Variants in MYO1B observed in about 807,000 individuals in gnomAD.
MYO1B encodes unconventional myosin-Ib.
MYO1B carries 72 observed loss-of-function variants against 159.7 expected under a neutral mutation model. The observed-to-expected ratio is 0.45, with a 90% CI of 0.37 to 0.55. The LOEUF is 0.55. MYO1B is among the 20% of genes least tolerant of loss of function. The pLI is 0.00. For synonymous variants in MYO1B, 468 were observed against 473.8 expected (o/e 0.99, Z 0.16); for missense variants, 1,062 against 1,364.8 (o/e 0.78, Z 3.50).
intron 3 of MYO1B, among the ~76,000 whole-genome samples, chr2:191,318,652 T>A (rs1456042779): frequency 6.6e-6 from 1 of 152,182 alleles, no homozygotes; most frequent in Non-Finnish European, 1.5e-5. Context: ...TGCTTGCAGA[T>A]CCAAGTGTTT....
intron 17 of MYO1B, among the ~76,000 whole-genome samples, chr2:191,388,530 T>C (rs1695539921): frequency 6.6e-6 from 1 of 152,178 alleles, no homozygotes; most frequent in Non-Finnish European, 1.5e-5. Context: ...GTGAAGAATA[T>C]TTTTGTGTTT....
At chr2:191,286,374 G>A (rs900727388) in intron 2 of MYO1B, among the ~76,000 whole-genome samples, 1 of 151,492 alleles carries the variant, frequency 6.6e-6, no homozygotes, top group African/African-American at 2.4e-5. Flanking sequence ...CCCTCTGCAA[G>A]GAAATTTGGG....
At chr2:191,322,969 T>A (rs1305261206) in intron 3 of MYO1B, among the ~76,000 whole-genome samples, 1 of 152,162 alleles carries the variant, frequency 6.6e-6, no homozygotes, top group Admixed American at 6.5e-5. Flanking sequence ...TATTTCTTGA[T>A]CATGTGCTAA....
chr2:191,424,107 T>G lies in MYO1B; in HGVS notation c.*147T>G. ...AATAAAAATATTTGACTAATCAATT[T>G]TTATTATTGGAATAGTTTTAACCTT... On this transcript the variant is annotated 3_prime_UTR_variant, in exon 31 of 31. Coordinates refer to ENST00000392318, the MANE Select transcript of MYO1B (RefSeq NM_001130158.3). 1 of 924,868 alleles carries G rather than the reference T, an allele frequency of 1.1e-6. No individual in the cohort carries two copies. Among genetic ancestry groups the G allele is most frequent in the South Asian group, 1.8e-5 (1 of 56,022 alleles). The allele number at this position is 924,868 out of a possible 1,614,324, so 57.3% of individuals were successfully genotyped here.
intron 13 of MYO1B, among the ~76,000 whole-genome samples, chr2:191,372,544 C>G (rs1483939402): frequency 6.6e-6 from 1 of 152,074 alleles, no homozygotes; most frequent in Non-Finnish European, 1.5e-5. Flanking sequence ...GAGTCTTAGC[C>G]CTAAGATTGA....
chr2:191,309,045 G>T (rs1329634255), intron 3 of MYO1B, among the ~76,000 whole-genome samples: 1 of 152,128 alleles, frequency 6.6e-6, no homozygotes, highest in Non-Finnish European at 1.5e-5. Flanking sequence ...CCCTCTGTGT[G>T]CTGATGATGC....
chr2:191,249,076 A>G (rs1368183115), intron 1 of MYO1B, among the ~76,000 whole-genome samples: 2 of 152,250 alleles, frequency 1.3e-5, no homozygotes, highest in East Asian at 1.9e-4. Context: ...GAAACATTTA[A>G]AAGTGGTAGA....
At chr2:191,357,841 C>A (rs1478235484) in intron 7 of MYO1B, among the ~76,000 whole-genome samples, 1 of 152,156 alleles carries the variant, frequency 6.6e-6, no homozygotes, top group Non-Finnish European at 1.5e-5. Flanking sequence ...GGAAGAAAAC[C>A]AATAAGGAAT....
intron 30 of MYO1B, among the ~76,000 whole-genome samples, chr2:191,422,125 C>G (rs1054974450): frequency 6.6e-6 from 1 of 152,188 alleles, no homozygotes; most frequent in Non-Finnish European, 1.5e-5. Flanking sequence ...ATCCTCACAT[C>G]GCTGGGGGAT....
intron 11 of MYO1B, among the ~76,000 whole-genome samples, chr2:191,366,257 G>A (rs936363202): frequency 4.6e-5 from 7 of 152,148 alleles, no homozygotes; most frequent in Non-Finnish European, 7.3e-5. Context: ...AGGCCCAGGT[G>A]CCTCTGACTT....
intron 7 of MYO1B, among the ~76,000 whole-genome samples, chr2:191,351,710 A>AC (rs1030327485): frequency 3.3e-5 from 5 of 151,696 alleles, no homozygotes; most frequent in East Asian, 1.9e-4. Context: ...AACATGTGAA[A>AC]CCCCCCGTCT....
At chr2:191,335,867 T>C (rs1024076530) in intron 4 of MYO1B, among the ~76,000 whole-genome samples, 2 of 152,212 alleles carry the variant, frequency 1.3e-5, no homozygotes, top group Admixed American at 6.5e-5. Flanking sequence ...TGCGGAGTTA[T>C]GTAACATGGG....
intron 3 of MYO1B, among the ~76,000 whole-genome samples, chr2:191,308,333 A>G (rs1689779006): frequency 6.6e-6 from 1 of 152,238 alleles, no homozygotes; most frequent in African/African-American, 2.4e-5. Flanking sequence ...AAGAAGCCAT[A>G]GAAAGCTTGT....
intron 2 of MYO1B, among the ~76,000 whole-genome samples, chr2:191,281,562 C>T (rs903270819): frequency 6.6e-5 from 10 of 152,332 alleles, no homozygotes; most frequent in East Asian, 1.9e-4. Context: ...CTCCCCTCCC[C>T]GGCCCCCAGG....
At chr2:191,288,408 T>A (rs1466838640) in intron 2 of MYO1B, among the ~76,000 whole-genome samples, 1 of 152,190 alleles carries the variant, frequency 6.6e-6, no homozygotes, top group Non-Finnish European at 1.5e-5. Context: ...CTCGGACCTC[T>A]GCAGTTCATA....
chr2:191,259,879 T>C (rs1414429759), intron 1 of MYO1B, among the ~76,000 whole-genome samples: 1 of 151,912 alleles, frequency 6.6e-6, no homozygotes, highest in East Asian at 1.9e-4. Flanking sequence ...ATTCAGGCAG[T>C]GAGGGAGCTT....
At chr2:191,273,209 C>T (rs1464041010) in intron 1 of MYO1B, among the ~76,000 whole-genome samples, 1 of 152,128 alleles carries the variant, frequency 6.6e-6, no homozygotes, top group South Asian at 2.1e-4. Flanking sequence ...ACCTCCACTT[C>T]CTGGGTTCAA....
intron 4 of MYO1B, among the ~76,000 whole-genome samples, chr2:191,340,818 CG>C (rs1419012897): frequency 1.3e-5 from 2 of 152,020 alleles, no homozygotes; most frequent in Non-Finnish European, 2.9e-5. Context: ...CTCCACCTCC[CG>C]GGTTCAAGCA....
intron 5 of MYO1B, among the ~76,000 whole-genome samples, chr2:191,345,504 A>G (rs1010674072): frequency 1.3e-5 from 2 of 152,118 alleles, no homozygotes; most frequent in South Asian, 2.1e-4. Flanking sequence ...AGCGTCAACC[A>G]TGGGGTTCTT....
Sources: gnomAD v4.1 joint callset for allele counts (sites outside exome capture counted in the v4.1 genomes callset) on GRCh38, gnomAD v4.1.1 for gene constraint, MANE v1.5 for transcripts, NCBI Gene and HGNC (gene_info 2026-07-23, HGNC 2026-07-21) for gene names.